Variants in NLRC5 observed in about 807,000 individuals in gnomAD.
NLRC5 encodes the protein NLR family CARD domain containing 5, also known as protein NLRC5.
In NLRC5, 114 loss-of-function variants were observed where a neutral mutation model predicts 206.9. The observed-to-expected ratio is 0.55, with a 90% confidence interval of 0.47 to 0.64. The LOEUF (loss-of-function observed/expected upper bound fraction) is 0.64, where lower values mean the gene tolerates loss of function less well. NLRC5 is among the 30% of genes least tolerant of loss of function. NLRC5 has a pLI of 0.00. For synonymous variants in NLRC5, 952 were observed against 962.8 expected (o/e 0.99, Z 0.21); for missense variants, 2,008 against 2,305.5 (o/e 0.87, Z 2.64).
At chr16:57,030,454 G>GAAAAGATGGATGGATGGATGGATT (rs2061719116) in intron 10 of NLRC5, among the ~76,000 whole-genome samples, 1 of 108,594 alleles carries the variant, frequency 9.2e-6, no homozygotes, top group Non-Finnish European at 1.9e-5. Flanking sequence ...ATGGATGGAT[G>GAAAAGATGGATGGATGGATGGATT]GATGGATGGA....
rs149309896 is a variant in NLRC5 at position 57,036,194 on chromosome 16, C to G, written c.2711+11C>G. On this transcript the variant is annotated intron_variant, in intron 14 of 48. Transcript: ENST00000688547. ...CGCCAGGAAGCTGGAGTGAGTTGTC[C>G]ACCCCACCGCTGGGTACCAGGGAAG... The G allele has an allele frequency of 8.1e-6, 13 of 1,611,588 alleles. No individual in the cohort carries two copies. The highest frequency in any genetic ancestry group is 5.0e-5 in the Admixed American group (3 of 59,954).
intron 27 of NLRC5, among the ~76,000 whole-genome samples, chr16:57,057,125 CTG>C (rs2065779038): frequency 6.6e-6 from 1 of 152,128 alleles, no homozygotes; most frequent in African/African-American, 2.4e-5. Context: ...ATTTCTGAAA[CTG>C]TAGTTAAAAC....
chr16:57,011,121 T>C (rs2059446014), intron 1 of NLRC5, among the ~76,000 whole-genome samples: 1 of 152,116 alleles, frequency 6.6e-6, no homozygotes, highest in Admixed American at 6.6e-5. Context: ...TTTTAAAATT[T>C]GAATTTATGG....
chr16:57,010,477 C>A (rs142488892), intron 1 of NLRC5, among the ~76,000 whole-genome samples: 1,765 of 152,264 alleles, frequency 0.012, 27 homozygotes, highest in African/African-American at 0.041. Flanking sequence ...TGGGCTCAAG[C>A]AATCCTCTGC....
At chr16:57,042,178 A>C in intron 19 of NLRC5, 113 bp downstream of exon 19, 1 of 621,952 alleles carries the variant, frequency 1.6e-6, no homozygotes, top group Non-Finnish European at 2.6e-6. Context: ...AAATGCATGA[A>C]AATTGCCCCT....
intron 20 of NLRC5, among the ~76,000 whole-genome samples, chr16:57,044,882 C>T (rs965953846): frequency 2.0e-5 from 3 of 151,690 alleles, no homozygotes; most frequent in African/African-American, 4.8e-5. Flanking sequence ...TGCACTCCAG[C>T]CTGGGCAACA....
chr16:57,050,194 A>T (rs1427784780), intron 23 of NLRC5, among the ~76,000 whole-genome samples: 1 of 151,782 alleles, frequency 6.6e-6, no homozygotes, highest in African/African-American at 2.4e-5. Context: ...ACCATACGGG[A>T]TGTGTTTCTG....
At chr16:57,022,205 C>T (rs1413368418) in intron 3 of NLRC5, 51 bp from the exon 4 acceptor site, 11 of 1,534,308 alleles carry the variant, frequency 7.2e-6, no homozygotes, top group African/African-American at 4.1e-5. Flanking sequence ...AGCTGGTCCC[C>T]AGCATCCCTC....
chr16:57,036,006 C>G, intron 13 of NLRC5, 94 bp from the exon 14 acceptor site: 1 of 1,171,542 alleles, frequency 8.5e-7, no homozygotes, highest in East Asian at 2.4e-5. Context: ...CTGAGAGTGA[C>G]ACTTTGACTA....
At chr16:57,047,873 T>C (rs2064217101) in intron 23 of NLRC5, 1 of 546,466 alleles carries the variant, frequency 1.8e-6, no homozygotes, top group South Asian at 2.3e-5. Context: ...ACCTGCACCA[T>C]CCACTCAACT....
chr16:57,009,968 C>T (rs1261668433), intron 1 of NLRC5, among the ~76,000 whole-genome samples: 1 of 152,078 alleles, frequency 6.6e-6, no homozygotes, highest in Non-Finnish European at 1.5e-5. Context: ...GTGCAGGAAT[C>T]CCAGTGAGAA....
chr16:57,033,285 C>T (rs1011833748), intron 11 of NLRC5, among the ~76,000 whole-genome samples: 1 of 152,184 alleles, frequency 6.6e-6, no homozygotes, highest in African/African-American at 2.4e-5. Context: ...TCATTCAATC[C>T]TTCAGGTACC....
At chr16:57,038,192 T>C (rs772730204) in intron 15 of NLRC5, among the ~76,000 whole-genome samples, 2 of 151,866 alleles carry the variant, frequency 1.3e-5, no homozygotes, top group East Asian at 1.9e-4. Flanking sequence ...AGTGGAACCA[T>C]AGAAAAAAAA....
At chr16:57,030,902 A>ATTACTT (rs2061802941) in intron 10 of NLRC5, among the ~76,000 whole-genome samples, 1 of 152,216 alleles carries the variant, frequency 6.6e-6, no homozygotes, top group Non-Finnish European at 1.5e-5. Flanking sequence ...TGAGCTCAGG[A>ATTACTT]GTTCGAGACC....
chr16:57,034,052 G>T, intron 12 of NLRC5, 116 bp from the exon 13 acceptor site: 2 of 758,072 alleles, frequency 2.6e-6, no homozygotes, highest in Admixed American at 2.3e-5. Flanking sequence ...AAGAGGTGTG[G>T]CTAGGATTAG....
chr16:57,037,704 C>T (rs1053062945), intron 15 of NLRC5, among the ~76,000 whole-genome samples: 2 of 152,164 alleles, frequency 1.3e-5, no homozygotes, highest in Non-Finnish European at 2.9e-5. Flanking sequence ...TCATGATGTG[C>T]GCAACTGACA....
At chr16:57,061,115 C>G (rs1459823627) in intron 30 of NLRC5, among the ~76,000 whole-genome samples, 3 of 152,258 alleles carry the variant, frequency 2.0e-5, no homozygotes, top group Admixed American at 6.5e-5. Flanking sequence ...GTTTCCCCAC[C>G]TCTAATTGGT....
At position 57,047,848 on chromosome 16, in the gene NLRC5, A is replaced by G; in HGVS notation, c.3422+220A>G. The G allele has an allele frequency of 5.1e-6, 3 of 588,260 alleles. No homozygotes were observed. In the South Asian group the frequency reaches 6.0e-5, roughly 12 times the overall value. The allele number at this position is 588,260 out of a possible 1,614,324, so 36.4% of individuals were successfully genotyped here. On this transcript the variant is annotated intron_variant, in intron 23 of 48. Transcript: ENST00000688547. Reference sequence around the variant, plus strand: ...CTCCCACTGGGAGATGCTGTGCTGGACTGGGGAAGCCTTCACCTGCACCAT... The same window carrying G: ...CTCCCACTGGGAGATGCTGTGCTGGGCTGGGGAAGCCTTCACCTGCACCAT...
At chr16:57,047,320 T>C (rs1597345539) in intron 22 of NLRC5, among the ~76,000 whole-genome samples, 4 of 151,916 alleles carry the variant, frequency 2.6e-5, no homozygotes, top group African/African-American at 9.7e-5. Flanking sequence ...GGAGAGTCAC[T>C]GACAAGGGCA....
Sources: allele counts gnomAD v4.1 joint callset (sites outside exome capture counted in the v4.1 genomes callset), GRCh38; gene constraint gnomAD v4.1.1; transcripts MANE v1.5; gene names NCBI Gene and HGNC (gene_info 2026-07-23, HGNC 2026-07-21).